Variants in CDH23 observed in about 807,000 individuals in gnomAD.
CDH23 encodes cadherin-23.
CDH23 carries 189 observed loss-of-function variants against 317.1 expected under a neutral mutation model. That is an observed-to-expected ratio of 0.60 (90% confidence interval 0.53 to 0.67). The LOEUF is 0.67. Among genes scored for constraint, CDH23 ranks in the 30% least tolerant of loss-of-function variants. The pLI is 0.00. For synonymous variants in CDH23, 1,839 were observed against 1,876.8 expected (o/e 0.98, Z 0.52); for missense variants, 4,401 against 4,592.4 (o/e 0.96, Z 1.20).
intron 3 of CDH23, among the ~76,000 whole-genome samples, chr10:71,482,972 A>G (rs566437184): frequency 5.3e-5 from 8 of 152,376 alleles, no homozygotes; most frequent in East Asian, 1.9e-4. Flanking sequence ...GGAATTGATC[A>G]TGTGGGTCTT....
chr10:71,589,355 T>TA (rs1349572070), intron 9 of CDH23, among the ~76,000 whole-genome samples: 7 of 152,186 alleles, frequency 4.6e-5, no homozygotes, highest in African/African-American at 1.7e-4. Context: ...CCTGACCTTG[T>TA]GATCCACCCA....
Position 71,813,291 on chromosome 10 carries a change from G to A in CDH23, c.9681G>A (p.Lys3227=). 1 of 1,551,660 alleles carries A rather than the reference G, an allele frequency of 6.4e-7. No individual in the cohort carries two copies. The highest frequency in any genetic ancestry group is 8.7e-7 in the Non-Finnish European group (1 of 1,146,992). Residue 3227 remains lysine, a synonymous_variant, in exon 69 of 70, where the codon AAG becomes AAA. Coordinates refer to ENST00000224721, the MANE Select transcript of CDH23 (RefSeq NM_022124.6). The part of the protein sequence containing the change: ...VVLEDYLRLK[K]LFAQRMVQKA... ...TGGAGGATTACCTGCGGCTCAAAAA[G>A]CTCTTTGCACAGCGGATGGTGCAAA...
At chr10:71,698,452 A>G (rs904427568) in intron 22 of CDH23, among the ~76,000 whole-genome samples, 4 of 152,104 alleles carry the variant, frequency 2.6e-5, no homozygotes, top group Non-Finnish European at 4.4e-5. Flanking sequence ...TGACAGAAGG[A>G]GGAGGTGATA....
chr10:71,693,256 A>G lies in CDH23; in HGVS notation c.2177-891A>G, dbSNP rs559874648. Among the ~76,000 whole-genome samples, 32 of 149,470 alleles carry G rather than the reference A, an allele frequency of 2.1e-4. No homozygotes were observed. In the South Asian group the frequency reaches 2.4e-3, roughly 11 times the overall value. ...AATGGGCCCTGGTGGGGCTATTTAC[A>G]CCAAGGAAATTGGCAAATGCCTTTT... On this transcript the variant is annotated intron_variant, in intron 20 of 69. Coordinates refer to ENST00000224721, the MANE Select transcript of CDH23 (RefSeq NM_022124.6).
At position 71,791,285 on chromosome 10, in the gene CDH23, C is replaced by T. The variant is rs1271935480; in HGVS notation, c.6203C>T (p.Thr2068Ile). 6 of 1,613,962 alleles carry T rather than the reference C, an allele frequency of 3.7e-6. No individual in the cohort carries two copies. The highest frequency in any genetic ancestry group is 2.2e-5 in the East Asian group (1 of 44,872). ...TILDDNDNRPTFSPATLTVHL... is the reference protein window; with the variant it reads ...TILDDNDNRPIFSPATLTVHL... ...CTGGATGACAATGACAACCGGCCCACCTTTAGCCCTGCCACCCTCACTGTC... is the reference window on the plus strand; with the variant it reads ...CTGGATGACAATGACAACCGGCCCATCTTTAGCCCTGCCACCCTCACTGTC... Residue 2068 changes from threonine to isoleucine, a missense_variant, in exon 47 of 70, where the codon ACC becomes ATC. Thr to Ile is a moderately conservative substitution (Grantham distance 89). Transcript: ENST00000224721.
chr10:71,561,220 T>G (rs1857114663), intron 6 of CDH23, among the ~76,000 whole-genome samples: 3 of 152,094 alleles, frequency 2.0e-5, no homozygotes, highest in African/African-American at 2.4e-5. Context: ...CTTTATCCCG[T>G]TTTCACTCTG....
chr10:71,814,694 A>ACAC (rs55889819), intron 69 of CDH23, among the ~76,000 whole-genome samples: 1 of 118,866 alleles, frequency 8.4e-6, no homozygotes, highest in Non-Finnish European at 1.8e-5. Flanking sequence ...ACACACACAC[A>ACAC]ATTTTCACAA....
chr10:71,474,287 G>C (rs1187591985), intron 3 of CDH23, among the ~76,000 whole-genome samples: 3 of 152,210 alleles, frequency 2.0e-5, no homozygotes, highest in East Asian at 1.9e-4. Context: ...TCAGCTCCAG[G>C]AGTAAGTTTG....
At chr10:71,672,409 C>T (rs945960160) in intron 14 of CDH23, among the ~76,000 whole-genome samples, 2 of 152,144 alleles carry the variant, frequency 1.3e-5, no homozygotes, top group Admixed American at 1.3e-4. Context: ...GGCCCAAGGT[C>T]AGTGCTGCTG....
intron 3 of CDH23, among the ~76,000 whole-genome samples, chr10:71,457,445 G>A (rs866293059): frequency 1.5e-4 from 23 of 152,216 alleles, no homozygotes; most frequent in Admixed American, 3.3e-4. Context: ...TGAATTCCAC[G>A]TATTCAATCT....
intron 38 of CDH23, among the ~76,000 whole-genome samples, chr10:71,767,879 G>A (rs918397222): frequency 1.3e-5 from 2 of 152,196 alleles, no homozygotes; most frequent in East Asian, 1.9e-4. Flanking sequence ...GAAAGCCTCC[G>A]TGCATCCGGG....
chr10:71,790,653 C>T (rs1841225365), intron 46 of CDH23: 4 of 560,692 alleles, frequency 7.1e-6, no homozygotes, highest in Non-Finnish European at 1.3e-5. Context: ...GAACTCTCAG[C>T]CTGGGCCGGG....
At chr10:71,804,358 A>C (rs1422430884) in intron 55 of CDH23, among the ~76,000 whole-genome samples, 1 of 152,184 alleles carries the variant, frequency 6.6e-6, no homozygotes, top group Non-Finnish European at 1.5e-5. Context: ...AAATTGCCAT[A>C]TAAAGATAGG....
At chr10:71,404,273 T>C (rs571985628) in intron 1 of CDH23, among the ~76,000 whole-genome samples, 1 of 152,286 alleles carries the variant, frequency 6.6e-6, no homozygotes, top group South Asian at 2.1e-4. Context: ...TCCCACCCCA[T>C]GTTATCCCAC....
chr10:71,606,944 C>T (rs892013252), intron 9 of CDH23, among the ~76,000 whole-genome samples: 3 of 152,184 alleles, frequency 2.0e-5, no homozygotes, highest in African/African-American at 4.8e-5. Flanking sequence ...GTCCCCTCTC[C>T]TGGTTGAAAG....
intron 1 of CDH23, 56 bp from the exon 2 acceptor site, chr10:71,439,771 A>G: frequency 7.5e-7 from 1 of 1,331,074 alleles, no homozygotes; most frequent in Non-Finnish European, 1.1e-6. Context: ...GCTGAGGAGC[A>G]GACCCTCTGC....
In CDH23 at chr10:71,510,854, C is replaced by T. The variant is rs966490997; in HGVS notation, c.289-100C>T. 14 of 1,184,664 alleles carry T rather than the reference C, an allele frequency of 1.2e-5. No homozygotes were observed. In the Admixed American group the frequency reaches 1.5e-4, roughly 13 times the overall value. 73.4% of individuals were successfully genotyped at this position (1,184,664 alleles called of 1,614,324 possible). ...TGGGTGCCTGGTTCCAGGCAAGCTC[C>T]TAGGGCAATCCTGGAGCCCCTCCCG... On this transcript the variant is annotated intron_variant, in intron 4 of 69. Coordinates refer to ENST00000224721, the MANE Select transcript of CDH23 (RefSeq NM_022124.6).
chr10:71,797,067 T>C, intron 48 of CDH23, 37 bp from the exon 49 acceptor site: 2 of 1,423,942 alleles, frequency 1.4e-6, no homozygotes, highest in Non-Finnish European at 2.0e-6. Flanking sequence ...TTTAGGGGGT[T>C]CTTCTCAGGC....
At chr10:71,675,048 T>C in intron 14 of CDH23, 64 bp from the exon 15 acceptor site, 2 of 1,463,354 alleles carry the variant, frequency 1.4e-6, no homozygotes, top group South Asian at 1.1e-5. Flanking sequence ...GAACATGGGT[T>C]TCCTGTGGAC....
Sources: allele counts gnomAD v4.1 joint callset (sites outside exome capture counted in the v4.1 genomes callset), GRCh38; gene constraint gnomAD v4.1.1; transcripts MANE v1.5; gene names NCBI Gene and HGNC (gene_info 2026-07-23, HGNC 2026-07-21).